The following PLEC variants were observed in gnomAD, a reference collection of about 807,000 sequenced individuals.
PLEC encodes hemidesmosomal protein 1.
In PLEC, 216 loss-of-function variants were observed where a neutral mutation model predicts 392.8. That is an observed-to-expected ratio of 0.55 (90% CI 0.49 to 0.62). PLEC has a LOEUF of 0.62. Among genes scored for constraint, PLEC ranks in the 20% least tolerant of loss-of-function variants. The pLI is 0.00. For missense variants in PLEC, 6,863 were observed against 6,563.4 expected, an observed-to-expected ratio of 1.05 and a Z score of -1.58; for synonymous variants, 3,621 against 2,980.6, an observed-to-expected ratio of 1.21 and a Z score of -7.00.
In PLEC at chr8:143,920,872, G is replaced by C. The variant is rs201312718; in HGVS notation, c.8949C>G (p.Ala2983=). The change falls in exon 32 of 32, where the codon GCC becomes GCG. Residue 2983 remains alanine, a synonymous_variant. Transcript: ENST00000345136. ...TGACCCTGCTCTCCAGCAGCTCGGC[G>C]GCTGGCACCAGGCTGCGCAGGCCCT... is the stretch of plus-strand genomic sequence containing the variant. The part of the protein sequence containing the change: ...CFEGLRSLVP[A]AELLESRVID... 2.5e-5 allele frequency: 41 copies of C among 1,610,630 alleles called. No homozygotes were observed. Among genetic ancestry groups the C allele is most frequent in the Non-Finnish European group, 3.3e-5 (39 of 1,179,924 alleles).
chr8:143,922,168 G>C lies in PLEC; in HGVS notation c.7653C>G (p.Ser2551Arg), dbSNP rs1554688677. The C allele has an allele frequency of 1.3e-6, 2 of 1,541,894 alleles. No individual in the cohort carries two copies. The highest frequency in any genetic ancestry group is 1.7e-6 in the Non-Finnish European group (2 of 1,148,732). ...MEQERQRLVASMEEARRRQHE... is the reference protein window; with the variant it reads ...MEQERQRLVARMEEARRRQHE... ...GCTGCCGCCGCCGCGCCTCCTCCATGCTGGCCACCAGCCGCTGCCGTTCCT... is the reference window on the plus strand; with the variant it reads ...GCTGCCGCCGCCGCGCCTCCTCCATCCTGGCCACCAGCCGCTGCCGTTCCT... The change falls in exon 32 of 32, where the codon AGC (serine) becomes AGG (arginine). Residue 2551 changes from serine to arginine, a missense_variant. Physicochemically the swap from Ser to Arg is moderately radical, Grantham distance 110. Coordinates refer to ENST00000345136, the MANE Select transcript of PLEC (RefSeq NM_201384.3).
At chr8:143,948,970 T>C (rs1554733738) in intron 1 of PLEC, among the ~76,000 whole-genome samples, 1 of 152,108 alleles carries the variant, frequency 6.6e-6, no homozygotes, top group Non-Finnish European at 1.5e-5. Flanking sequence ...AGACATGTCG[T>C]CCATTTAGAG....
chr8:143,925,578 C>T lies in PLEC; in HGVS notation c.4351G>A (p.Glu1451Lys), dbSNP rs868906137. Reference sequence around the variant, plus strand: ...AGGCGCACCACGCGGATCTCCTCCTCGATGCGCAGCCGGCTGCGCTCAGCC... The same window carrying T: ...AGGCGCACCACGCGGATCTCCTCCTTGATGCGCAGCCGGCTGCGCTCAGCC... ...EAAERSRLRI[E>K]EEIRVVRLQL... The change falls in exon 31 of 32, where the codon GAG becomes AAG. Residue 1451 changes from glutamate to lysine, a missense_variant. Glu to Lys is a moderately conservative substitution (Grantham distance 56). Transcript: ENST00000345136. 6.6e-4 allele frequency: 1,039 copies of T among 1,579,770 alleles called. 4 individuals carry two copies. The highest frequency in any genetic ancestry group is 1.8e-3 in the Admixed American group (105 of 57,606).
upstream of PLEC, among the ~76,000 whole-genome samples, chr8:143,974,137 T>G (rs1199448881): frequency 4.6e-5 from 7 of 152,238 alleles, no homozygotes; most frequent in Admixed American, 4.6e-4. The surrounding 1 kb of genome is among the most constrained non-coding windows in gnomAD (Gnocchi z 5.9). Flanking sequence ...TAATGCCATA[T>G]GTCCTGTAAC....
rs1438959129 is a variant in PLEC at position 143,920,739 on chromosome 8, C to T, written c.9082G>A (p.Gly3028Ser). 8 of 1,604,418 alleles carry T rather than the reference C, an allele frequency of 5.0e-6. No individual in the cohort carries two copies. Among genetic ancestry groups the T allele is most frequent in the African/African-American group, 1.3e-5 (1 of 74,926 alleles). ...TGCCCCGCCTCCTCCAGCCATACAC[C>T]CGCGATGACGTTGGCACCCCGGAGA... ...RALRGANVIA[G>S]VWLEEAGQKL... The change falls in exon 32 of 32, where the codon GGT (glycine) becomes AGT (serine). Residue 3028 changes from glycine (G) to serine (S), a missense_variant. Physicochemically the swap from Gly to Ser is moderately conservative, Grantham distance 56. Transcript: ENST00000345136.
Position 143,918,632 on chromosome 8 carries a change from G to C in PLEC, c.11189C>G (p.Thr3730Arg). 6.2e-7 allele frequency: 1 copy of C among 1,612,712 alleles called. No individual in the cohort carries two copies. Among genetic ancestry groups the C allele is most frequent in the Non-Finnish European group, 8.5e-7 (1 of 1,179,988 alleles). Residue 3730 changes from threonine to arginine, a missense_variant, in exon 32 of 32, where the codon ACA becomes AGA. Transcript: ENST00000345136. ...CTTCACCGGGTCCAGCAGGAAGCCT[G>C]TGGCTGCCTGTGCCTCCAGCAGCAG... ...ARLLLEAQAATGFLLDPVKGE... is the reference protein window; with the variant it reads ...ARLLLEAQAARGFLLDPVKGE...
Position 143,925,548 on chromosome 8 carries a change from A to G in PLEC, c.4381T>C (p.Leu1461=), listed in dbSNP as rs1554703112. ...EEEIRVVRLQ[L]EATERQRGGA... ...CCACGCTGGCGCTCGGTGGCCTCCAACTGCAGGCGCACCACGCGGATCTCC... is the reference window on the plus strand; with the variant it reads ...CCACGCTGGCGCTCGGTGGCCTCCAGCTGCAGGCGCACCACGCGGATCTCC... The change falls in exon 31 of 32, where the codon TTG becomes CTG. Residue 1461 remains leucine, a synonymous_variant. Transcript: ENST00000345136. The G allele has an allele frequency of 6.3e-7, 1 of 1,592,862 alleles. No homozygotes were observed. Among genetic ancestry groups the G allele is most frequent in the South Asian group, 1.1e-5 (1 of 90,306 alleles).
upstream of PLEC, chr8:143,975,425 T>A (rs1040029003): frequency 2.6e-6 from 4 of 1,513,822 alleles, no homozygotes; most frequent in African/African-American, 4.1e-5. This position sits in a 1 kb window ranked among gnomAD's most constrained non-coding sequence, Gnocchi z 9.9. Context: ...AGGAGTGGAC[T>A]CTGCACGCCG....
intron 1 of PLEC, among the ~76,000 whole-genome samples, chr8:143,966,833 G>T (rs1011530480): frequency 6.6e-6 from 1 of 152,128 alleles, no homozygotes; most frequent in Non-Finnish European, 1.5e-5. Flanking sequence ...CAAGCCCACG[G>T]CCAGACCCTA....
chr8:143,920,700 A>G lies in PLEC; in HGVS notation c.9121T>C (p.Tyr3041His), dbSNP rs1554682670. The G allele has an allele frequency of 1.2e-6, 2 of 1,602,762 alleles. No homozygotes were observed. The highest frequency in any genetic ancestry group is 1.7e-6 in the Non-Finnish European group (2 of 1,179,888). ...LEEAGQKLSI[Y>H]NALKKDLLPS... ...AGCAGGTCTTTCTTCAGGGCATTGT[A>G]GATACTCAGCTTCTGCCCCGCCTCC... Residue 3041 changes from tyrosine to histidine, a missense_variant, in exon 32 of 32, where the codon TAC (tyrosine) becomes CAC (histidine). Physicochemically the swap from Tyr to His is moderately conservative, Grantham distance 83. Coordinates refer to ENST00000345136, the MANE Select transcript of PLEC (RefSeq NM_201384.3).
At position 143,925,297 on chromosome 8, in the gene PLEC, C is replaced by T. The variant is rs1554701847; in HGVS notation, c.4632G>A (p.Gln1544=). 3.8e-6 allele frequency: 6 copies of T among 1,574,172 alleles called. No individual in the cohort carries two copies. Among genetic ancestry groups the T allele is most frequent in the Non-Finnish European group, 5.1e-6 (6 of 1,168,684 alleles). ...GCAGGCGCCGCTCCGCCTCCTCCGCCTGCAGCCGCAGCTCCTCCAGGGCCT... is the reference window on the plus strand; with the variant it reads ...GCAGGCGCCGCTCCGCCTCCTCCGCTTGCAGCCGCAGCTCCTCCAGGGCCT... ...ALQALEELRL[Q]AEEAERRLRQ... is the part of the protein sequence containing the mutation. The change falls in exon 31 of 32, where the codon CAG becomes CAA. Residue 1544 remains glutamine (Q), a synonymous_variant. Coordinates refer to ENST00000345136, the MANE Select transcript of PLEC (RefSeq NM_201384.3).
In PLEC at chr8:143,969,965, G is replaced by A. The variant is rs1454033744; in HGVS notation, c.70+3438C>T. Reference sequence around the variant, plus strand: ...CCTGGAGAGGGGCTGGGTGTGTTGGGTCTCCACAGGGCGTGTGCCCAGCCT... The same window carrying A: ...CCTGGAGAGGGGCTGGGTGTGTTGGATCTCCACAGGGCGTGTGCCCAGCCT... On this transcript the variant is annotated intron_variant, in intron 1 of 31. Transcript: ENST00000356346. The surrounding 1 kb of genome is among the most constrained non-coding windows in gnomAD (Gnocchi z 5.1). Among the ~76,000 whole-genome samples, 5 of 152,014 alleles carry A rather than the reference G, an allele frequency of 3.3e-5. No individual in the cohort carries two copies. Among genetic ancestry groups the A allele is most frequent in the Admixed American group, 1.3e-4 (2 of 15,276 alleles).
chr8:143,942,687 CT>C (rs1201487590), upstream of PLEC, among the ~76,000 whole-genome samples: 1 of 152,172 alleles, frequency 6.6e-6, no homozygotes, highest in Admixed American at 6.5e-5. Context: ...CCCAAAGAAC[CT>C]GCCCCTGGCG....
intron 1 of PLEC, chr8:143,950,088 C>G (rs1831971291): frequency 1.4e-6 from 2 of 1,408,754 alleles, no homozygotes; most frequent in Non-Finnish European, 1.9e-6. Flanking sequence ...AGCCGGCTGA[C>G]CACTCCAACC....
intron 22 of PLEC, 25 bp downstream of exon 22, chr8:143,929,911 G>GC: frequency 6.2e-7 from 1 of 1,606,600 alleles, no homozygotes; most frequent in African/African-American, 1.3e-5. Flanking sequence ...CACCCAGAGA[G>GC]CCCCCGGCTC....
At position 143,922,846 on chromosome 8, in the gene PLEC, C is replaced by T. The variant is rs780337094; in HGVS notation, c.7083G>A (p.Thr2361=). Residue 2361 remains threonine, a synonymous_variant, in exon 31 of 32, where the codon ACG becomes ACA. Coordinates refer to ENST00000345136, the MANE Select transcript of PLEC (RefSeq NM_201384.3). ...CCTCCAGCGTCCGCTGGAAGCCCTG[C>T]GTCTCCTCCGCCAGCTGCTGCGCCA... ...EQMAQQLAEE[T]QGFQRTLEAE... is the part of the protein sequence containing the mutation. 1.9e-4 allele frequency: 297 copies of T among 1,579,204 alleles called. No homozygotes were observed. The highest frequency in any genetic ancestry group is 2.5e-4 in the Non-Finnish European group (291 of 1,164,718).
intron 11 of PLEC, 71 bp from the exon 12 acceptor site, chr8:143,934,162 C>T (rs1188824494): frequency 8.2e-6 from 13 of 1,587,958 alleles, no homozygotes; most frequent in African/African-American, 4.0e-5. Flanking sequence ...GACTGCAGCT[C>T]GCCTCCCGCT....
At position 143,928,400 on chromosome 8, in the gene PLEC, C is replaced by T. The variant is rs1278213668; in HGVS notation, c.3261-408G>A. On this transcript the variant is annotated intron_variant, in intron 25 of 31. Coordinates refer to ENST00000345136, the MANE Select transcript of PLEC (RefSeq NM_201384.3). ...AATGGCACCCTGTGGTAGCCAGCGG[C>T]GGCCCTATCACTGTGCTGGTTCTGT... is the stretch of plus-strand genomic sequence containing the variant. 3.3e-5 allele frequency among the ~76,000 whole-genome samples: 5 copies of T among 152,366 alleles called. No homozygotes were observed. The East Asian group carries it at 5.8e-4, about 18-fold the overall frequency.
At chr8:143,956,648 T>C (rs1469582475), upstream of PLEC, among the ~76,000 whole-genome samples, 5 of 152,200 alleles carry the variant, frequency 3.3e-5, no homozygotes, top group African/African-American at 1.2e-4. Flanking sequence ...AACACACAGC[T>C]TTTCATGCAC....
Sources: allele counts gnomAD v4.1 joint callset (sites outside exome capture counted in the v4.1 genomes callset), GRCh38; gene constraint gnomAD v4.1.1; non-coding constraint Gnocchi (gnomAD v3.1); transcripts MANE v1.5; gene names NCBI Gene and HGNC (gene_info 2026-07-23, HGNC 2026-07-21).